Variants in CSGALNACT2 observed in about 807,000 individuals in gnomAD.
The protein encoded by CSGALNACT2 is beta 4 GalNAcT-2.
Under a neutral mutation model 55.3 loss-of-function variants are expected in CSGALNACT2, and 35 were observed. That is an observed-to-expected ratio of 0.63 (90% CI 0.48 to 0.84). The LOEUF (loss-of-function observed/expected upper bound fraction) is 0.84, where lower values mean the gene tolerates loss of function less well. Ranked by LOEUF, CSGALNACT2 falls within the 40% of genes least tolerant of loss-of-function variation. CSGALNACT2 has a pLI of 0.00. For synonymous variants in CSGALNACT2, 196 were observed against 224.9 expected (o/e 0.87, Z 1.15); for missense variants, 544 against 657.5 (o/e 0.83, Z 1.89).
intron 4 of CSGALNACT2, chr10:43,162,253 A>G (rs915848526): frequency 3.7e-6 from 2 of 537,672 alleles, no homozygotes; most frequent in African/African-American, 1.9e-5. Flanking sequence ...CTGGGCTCAC[A>G]TCTTCTCAGC....
intron 6 of CSGALNACT2, among the ~76,000 whole-genome samples, chr10:43,167,402 C>A (rs1839290739): frequency 6.7e-6 from 1 of 148,502 alleles, no homozygotes; most frequent in Non-Finnish European, 1.5e-5. Flanking sequence ...TTTACTAATA[C>A]TAAAAATTTG....
In CSGALNACT2 at chr10:43,161,671, A is replaced by G. The variant is rs534903533; in HGVS notation, c.980+1076A>G. On this transcript the variant is annotated intron_variant, in intron 4 of 7. Coordinates refer to ENST00000374466, the MANE Select transcript of CSGALNACT2 (RefSeq NM_018590.5). ...TCACTGTCTTCCCCTTCCCTACACC[A>G]GCTCCTCCTCCTGATGGCCCTCTTT... Among the ~76,000 whole-genome samples the G allele has an allele frequency of 3.3e-5, 5 of 152,268 alleles. No homozygotes were observed. In the South Asian group the frequency reaches 6.2e-4, roughly 19 times the overall value.
rs771928849 is a variant in CSGALNACT2, at chr10:43,175,970, G to A, written c.1274G>A (p.Gly425Asp). 2 of 1,606,826 alleles carry A rather than the reference G, an allele frequency of 1.2e-6. No homozygotes were observed. The highest frequency in any genetic ancestry group is 1.1e-5 in the South Asian group (1 of 89,332). Reference sequence around the variant, plus strand: ...ACTAAGGTTCACAAAAAGGATTCTGGCTTTTGGCGAGATTTTGGCTTTGGA... The same window carrying A: ...ACTAAGGTTCACAAAAAGGATTCTGACTTTTGGCGAGATTTTGGCTTTGGA... ...EQQLVHKKDS[G>D]FWRDFGFGMT... The change falls in exon 7 of 8, where the codon GGC (glycine) becomes GAC (aspartate). Residue 425 changes from glycine to aspartate, a missense_variant. Physicochemically the swap from Gly to Asp is moderately conservative, Grantham distance 94. Around this residue, in one of 2 missense-constraint regions of CSGALNACT2, gnomAD observed 170 missense variants for 256.2 expected, o/e 0.66. Transcript: ENST00000374466.
At chr10:43,142,582 T>C (rs1247844968) in intron 1 of CSGALNACT2, among the ~76,000 whole-genome samples, 1 of 152,236 alleles carries the variant, frequency 6.6e-6, no homozygotes, top group Non-Finnish European at 1.5e-5. Flanking sequence ...CAAATTTCAG[T>C]GTCCCTTGGA....
chr10:43,176,915 T>C (rs1839491447), intron 7 of CSGALNACT2, among the ~76,000 whole-genome samples: 1 of 152,222 alleles, frequency 6.6e-6, no homozygotes, highest in Non-Finnish European at 1.5e-5. Context: ...AAGAATAGTT[T>C]AATAAAGCAG....
At chr10:43,175,483 T>A (rs973915957) in intron 6 of CSGALNACT2, among the ~76,000 whole-genome samples, 3 of 152,178 alleles carry the variant, frequency 2.0e-5, no homozygotes, top group Non-Finnish European at 4.4e-5. Context: ...GGGGTGAGAC[T>A]GTCTCACTAG....
chr10:43,164,780 A>C (rs537499345), intron 5 of CSGALNACT2, among the ~76,000 whole-genome samples: 1 of 151,776 alleles, frequency 6.6e-6, no homozygotes, highest in Admixed American at 6.6e-5. Context: ...CTGGGAGGCA[A>C]AGGTTGCAGT....
intron 6 of CSGALNACT2, among the ~76,000 whole-genome samples, chr10:43,171,959 T>A (rs1366788337): frequency 1.3e-5 from 2 of 152,220 alleles, no homozygotes; most frequent in Non-Finnish European, 2.9e-5. Context: ...AGAACAGCAG[T>A]ATAATGCTTT....
chr10:43,148,483 A>G (rs1564510129), intron 1 of CSGALNACT2, among the ~76,000 whole-genome samples: 2 of 152,220 alleles, frequency 1.3e-5, no homozygotes, highest in African/African-American at 4.8e-5. Context: ...ATTGGGGAAT[A>G]TTACCATTTT....
chr10:43,166,577 TGTACA>T (rs1189450106), intron 5 of CSGALNACT2, among the ~76,000 whole-genome samples: 1 of 152,254 alleles, frequency 6.6e-6, no homozygotes, highest in African/African-American at 2.4e-5. Context: ...ATCTATTCAT[TGTACA>T]GTATTCTTTG....
At chr10:43,139,403 A>T (rs1448314934) in intron 1 of CSGALNACT2, among the ~76,000 whole-genome samples, 1 of 152,258 alleles carries the variant, frequency 6.6e-6, no homozygotes, top group Non-Finnish European at 1.5e-5. Flanking sequence ...AGAATGAAAA[A>T]AGATGGATTT....
chr10:43,161,984 T>G (rs1839159093), intron 4 of CSGALNACT2, among the ~76,000 whole-genome samples: 1 of 152,186 alleles, frequency 6.6e-6, no homozygotes, highest in South Asian at 2.1e-4. Flanking sequence ...GCAAATGGTG[T>G]AAACCTACCT....
rs547256221 is a variant in CSGALNACT2, at chr10:43,184,606, A to C, written c.*1064A>C. 13 of 152,326 alleles carry C rather than the reference A, an allele frequency of 8.5e-5. No homozygotes were observed. In the South Asian group the frequency reaches 2.7e-3, roughly 32 times the overall value. The allele number at this position is 152,326 out of a possible 1,614,324, so 9.4% of individuals were successfully genotyped here. On this transcript the variant is annotated 3_prime_UTR_variant, in exon 8 of 8. Coordinates refer to ENST00000374466, the MANE Select transcript of CSGALNACT2 (RefSeq NM_018590.5). Reference sequence around the variant, plus strand: ...TCACTCTGATTTGAGAAAAGGGAGGAGGGGAAGATAGTCTGAATGGAAATC... The same window carrying C: ...TCACTCTGATTTGAGAAAAGGGAGGCGGGGAAGATAGTCTGAATGGAAATC...
At chr10:43,180,895 C>T (rs946644817) in intron 7 of CSGALNACT2, among the ~76,000 whole-genome samples, 17 of 152,196 alleles carry the variant, frequency 1.1e-4, no homozygotes, top group Admixed American at 1.3e-4. Context: ...GGGTAGATTT[C>T]TTCCTCCAAG....
rs775146962 is a variant in CSGALNACT2, at chr10:43,175,978, C to T, written c.1282C>T (p.Arg428Ter). The change falls in exon 7 of 8, where the codon CGA becomes TGA. Residue 428 changes from arginine to a stop codon, truncating the protein, a stop_gained. Coordinates refer to ENST00000374466, the MANE Select transcript of CSGALNACT2 (RefSeq NM_018590.5). LOFTEE classifies it high-confidence loss of function. ...TCACAAAAAGGATTCTGGCTTTTGG[C>T]GAGATTTTGGCTTTGGAATGACTTG... ...LVHKKDSGFW[R>*]DFGFGMTCQY... 3.1e-6 allele frequency: 5 copies of T among 1,604,870 alleles called. No individual in the cohort carries two copies. The highest frequency in any genetic ancestry group is 3.4e-5 in the Admixed American group (2 of 58,484).
At chr10:43,181,016 T>G (rs1839579408) in intron 7 of CSGALNACT2, among the ~76,000 whole-genome samples, 1 of 152,220 alleles carries the variant, frequency 6.6e-6, no homozygotes. Context: ...TTAAAATGAT[T>G]ACCTTTTCCC....
rs773264236 is a variant in CSGALNACT2 at position 43,183,231 on chromosome 10, G to A, written c.1337-19G>A. Reference sequence around the variant, plus strand: ...CTAATAATAGGCAGTTATTTATAGTGTCAATTTTGATCTTACAGGTGGATT... The same window carrying A: ...CTAATAATAGGCAGTTATTTATAGTATCAATTTTGATCTTACAGGTGGATT... On this transcript the variant is annotated intron_variant, in intron 7 of 7. Coordinates refer to ENST00000374466, the MANE Select transcript of CSGALNACT2 (RefSeq NM_018590.5). 2.5e-6 allele frequency: 4 copies of A among 1,593,520 alleles called. No individual in the cohort carries two copies. The highest frequency in any genetic ancestry group is 3.4e-6 in the Non-Finnish European group (4 of 1,161,420).
At chr10:43,151,752 G>C (rs1838879847) in intron 1 of CSGALNACT2, among the ~76,000 whole-genome samples, 1 of 152,164 alleles carries the variant, frequency 6.6e-6, no homozygotes, top group African/African-American at 2.4e-5. Context: ...CAGGGAATCT[G>C]CTGGGCTCTG....
chr10:43,176,037 G>A lies in CSGALNACT2; in HGVS notation c.1336+5G>A, dbSNP rs750859874. On this transcript the variant is annotated splice_donor_5th_base_variant and intron_variant, in intron 7 of 7. Coordinates refer to ENST00000374466, the MANE Select transcript of CSGALNACT2 (RefSeq NM_018590.5). ...GTTCAGATTTCCTGACCATTGGTAA[G>A]TATACTTTACATTTAAGGATAGGAC... is the stretch of plus-strand genomic sequence containing the variant. The A allele has an allele frequency of 2.4e-5, 39 of 1,595,600 alleles. No homozygotes were observed. The highest frequency in any genetic ancestry group is 3.2e-5 in the Non-Finnish European group (38 of 1,172,376).
Sources: gnomAD v4.1 joint callset for allele counts (sites outside exome capture counted in the v4.1 genomes callset) on GRCh38, gnomAD v4.1.1 for gene constraint, gnomAD v4.1.1 regional missense constraint, MANE v1.5 for transcripts, NCBI Gene and HGNC (gene_info 2026-07-23, HGNC 2026-07-21) for gene names.